Variants in NT5C1B observed in about 807,000 individuals in gnomAD.
NT5C1B encodes the protein 5'-nucleotidase, cytosolic IB, also known as cytosolic 5'-nucleotidase 1B.
Under a neutral mutation model 57.8 loss-of-function variants are expected in NT5C1B, and 44 were observed. The ratio of observed to expected loss-of-function variants is 0.76; its 90% CI spans 0.60 to 0.98. NT5C1B has a LOEUF of 0.98. Among genes scored for constraint, NT5C1B ranks in the 50% least tolerant of loss-of-function variants. The pLI is 0.00. For synonymous variants in NT5C1B, 284 were observed against 282.6 expected (o/e 1.00, Z -0.05); for missense variants, 742 against 719.5 (o/e 1.03, Z -0.36).
chr2:18,566,013 T>C (rs1176920162), intron 8 of NT5C1B, among the ~76,000 whole-genome samples: 1 of 152,244 alleles, frequency 6.6e-6, no homozygotes, highest in East Asian at 1.9e-4. Flanking sequence ...TATCATGTCT[T>C]CCTTGACTAT....
chr2:18,587,535 A>T, exon 2 of NT5C1B: 1 of 1,613,898 alleles, frequency 6.2e-7, no homozygotes, highest in Non-Finnish European at 8.5e-7. Context: ...GTTTTGTCAG[A>T]TTCCTTTCTT....
At chr2:18,575,192 T>C (rs935751943) in intron 8 of NT5C1B, among the ~76,000 whole-genome samples, 2 of 151,980 alleles carry the variant, frequency 1.3e-5, no homozygotes, top group African/African-American at 4.8e-5. Flanking sequence ...TTCAGCAGAG[T>C]AGACTGATAT....
At chr2:18,587,285 G>A in intron 2 of NT5C1B, 1 of 1,485,446 alleles carries the variant, frequency 6.7e-7, no homozygotes, top group Non-Finnish European at 9.0e-7. Flanking sequence ...AGCCTGCTGT[G>A]GTTCCACACA....
At chr2:18,574,207 G>C (rs1335259719) in intron 8 of NT5C1B, among the ~76,000 whole-genome samples, 1 of 151,966 alleles carries the variant, frequency 6.6e-6, no homozygotes, top group South Asian at 2.1e-4. Context: ...ATGTCAATGG[G>C]TATATGAAAA....
chr2:18,571,441 A>G (rs1384384027), intron 8 of NT5C1B, among the ~76,000 whole-genome samples: 3 of 151,980 alleles, frequency 2.0e-5, no homozygotes, highest in Non-Finnish European at 4.4e-5. Context: ...ATGCATAGGT[A>G]TAAATAAAAA....
At chr2:18,577,450 C>T (rs533948853) in intron 6 of NT5C1B, among the ~76,000 whole-genome samples, 1 of 124,048 alleles carries the variant, frequency 8.1e-6, no homozygotes, top group African/African-American at 3.5e-5. Context: ...AAAAAAGGCT[C>T]TATCTCAAAA....
intron 2 of NT5C1B, 139 bp from the exon 3 acceptor site, chr2:18,586,530 C>G: frequency 1.6e-6 from 2 of 1,276,488 alleles, no homozygotes; most frequent in South Asian, 1.5e-5. Context: ...ACTCTTAACT[C>G]AACCTGAACT....
At chr2:18,586,077 C>A (rs1666679952) in intron 3 of NT5C1B, among the ~76,000 whole-genome samples, 177 bp downstream of exon 3, 1 of 152,158 alleles carries the variant, frequency 6.6e-6, no homozygotes, top group Non-Finnish European at 1.5e-5. Flanking sequence ...TCCCTCTGTA[C>A]TTCAGGTTTC....
At chr2:18,578,505 AAGAACTAAAAGTTCTTAAACTTTTAGTTC>A (rs974223607) in intron 6 of NT5C1B, among the ~76,000 whole-genome samples, 66 of 152,204 alleles carry the variant, frequency 4.3e-4, no homozygotes, top group Middle Eastern at 3.4e-3. Context: ...TAAAAGTAAA[AAGAACTAAAAGTTCTTAAACTTTTAGTTC>A]AGAACTAAAA....
At chr2:18,576,228 A>G in exon 8 of NT5C1B, 1 of 1,613,648 alleles carries the variant, frequency 6.2e-7, no homozygotes, top group South Asian at 1.1e-5. Flanking sequence ...TACTGGAAGA[A>G]TTTGTCGAGC....
Position 18,584,961 on chromosome 2 carries a change from C to T in NT5C1B, c.276G>A (p.Thr92=), listed in dbSNP as rs746666603. Residue 92 remains threonine (T), a synonymous_variant, in exon 4 of 9, where the codon ACG becomes ACA. Coordinates refer to ENST00000304081, the Ensembl canonical transcript of NT5C1B. This position sits in a 1 kb window ranked among gnomAD's most constrained non-coding sequence, Gnocchi z 5.8. ...GGGAGGTGGATGGAGTCCGGGAGCT[C>T]GTGGAGCTGCTGGGGAGCTGCAGCA... The T allele has an allele frequency of 6.5e-7, 1 of 1,542,440 alleles. No individual in the cohort carries two copies. The highest frequency in any genetic ancestry group is 8.7e-7 in the Non-Finnish European group (1 of 1,151,732).
chr2:18,584,775 C>T lies in NT5C1B; in HGVS notation c.462G>A (p.Glu154=). The change falls in exon 4 of 9, where the codon GAG becomes GAA. Residue 154 remains glutamate (E), a synonymous_variant. Transcript: ENST00000304081. The surrounding 1 kb of genome is among the most constrained non-coding windows in gnomAD (Gnocchi z 5.8). ...CCCGCACGATGCCTTGGGCCCAGGC[C>T]TCCGGATTCTCTTGCATTTTGGTGC... 2 of 1,613,662 alleles carry T rather than the reference C, an allele frequency of 1.2e-6. No homozygotes were observed.
intron 8 of NT5C1B, among the ~76,000 whole-genome samples, chr2:18,571,426 A>C (rs1665139319): frequency 6.6e-6 from 1 of 152,060 alleles, no homozygotes; most frequent in African/African-American, 2.4e-5. Flanking sequence ...CCAAAATATT[A>C]CAAAATGCAT....
intron 7 of NT5C1B, 101 bp downstream of exon 7, chr2:18,576,672 C>T (rs1665705020): frequency 1.3e-6 from 2 of 1,532,810 alleles, no homozygotes; most frequent in Admixed American, 2.1e-5. Context: ...AGAAGAATAT[C>T]CAACAAGACC....
chr2:18,575,485 G>T (rs1282139787), intron 8 of NT5C1B, among the ~76,000 whole-genome samples: 1 of 152,026 alleles, frequency 6.6e-6, no homozygotes, highest in Non-Finnish European at 1.5e-5. Flanking sequence ...TAAATTTCTT[G>T]GGAAAATTGA....
intron 5 of NT5C1B, 135 bp from the exon 6 acceptor site, chr2:18,583,132 G>A (rs1461584040): frequency 1.6e-6 from 2 of 1,216,534 alleles, no homozygotes; most frequent in Non-Finnish European, 2.2e-6. Flanking sequence ...GCTCCTTTAA[G>A]GAAGATTTAT....
rs1180858097 is a variant in NT5C1B, at chr2:18,586,288, A to G, written c.224T>C (p.Ile75Thr). 4 of 1,614,060 alleles carry G rather than the reference A, an allele frequency of 2.5e-6. No homozygotes were observed. Among genetic ancestry groups the G allele is most frequent in the East Asian group, 4.5e-5 (2 of 44,886 alleles). ...GGTGTTCCTGCTTCTAGGCTCATCT[A>G]TGGATGGAGCCTTGGTGGATGGGCT... Residue 75 changes from isoleucine (I) to threonine (T), a missense_variant, in exon 3 of 9, where the codon ATA (isoleucine) becomes ACA (threonine). Coordinates refer to ENST00000304081, the Ensembl canonical transcript of NT5C1B.
At chr2:18,573,445 TACACAC>T (rs112972669) in intron 8 of NT5C1B, among the ~76,000 whole-genome samples, 3 of 150,316 alleles carry the variant, frequency 2.0e-5, no homozygotes, top group African/African-American at 7.3e-5. Flanking sequence ...AAAATTCTGA[TACACAC>T]ACACACACAC....
At chr2:18,563,980 T>C (rs1375232604) in exon 9 of NT5C1B, 2 of 1,614,072 alleles carry the variant, frequency 1.2e-6, no homozygotes, top group African/African-American at 2.7e-5. Flanking sequence ...TCGAAGGGTC[T>C]TCAGCACACG....
Sources: allele counts gnomAD v4.1 joint callset (sites outside exome capture counted in the v4.1 genomes callset), GRCh38; gene constraint gnomAD v4.1.1; non-coding constraint Gnocchi (gnomAD v3.1); transcripts MANE v1.5; gene names NCBI Gene and HGNC (gene_info 2026-07-23, HGNC 2026-07-21).